B3GALT1: variants seen among roughly 807,000 people sequenced by gnomAD.
B3GALT1 encodes the protein beta-1,3-galactosyltransferase 1, also known as UDP-Gal:betaGlcNAc beta 1,3-galactosyltransferase, polypeptide 1.
A neutral mutation model predicts 23.2 loss-of-function variants in B3GALT1; 10 were observed. The ratio of observed to expected loss-of-function variants is 0.43; its 90% confidence interval spans 0.27 to 0.73. The LOEUF (loss-of-function observed/expected upper bound fraction) is 0.73. Among genes scored for constraint, B3GALT1 ranks in the 30% least tolerant of loss-of-function variants. The pLI, the probability that B3GALT1 is intolerant of heterozygous loss-of-function variation, is 0.21. For synonymous variants in B3GALT1, 156 were observed against 141.5 expected (o/e 1.10, Z -0.73); for missense variants, 299 against 405.4 (o/e 0.74, Z 2.25).
intron 2 of B3GALT1, among the ~76,000 whole-genome samples, chr2:167,540,624 A>C (rs551617987): frequency 3.3e-5 from 5 of 152,122 alleles, no homozygotes; most frequent in Non-Finnish European, 7.4e-5. Context: ...GATGTTAAAC[A>C]ACTTGTCTCT....
intron 2 of B3GALT1, among the ~76,000 whole-genome samples, chr2:167,547,964 A>G (rs368744544): frequency 6.6e-6 from 1 of 152,208 alleles, no homozygotes. Flanking sequence ...TGACTCTGGG[A>G]TTCTAAACCT....
At chr2:167,468,691 G>A (rs1243990768) in intron 1 of B3GALT1, among the ~76,000 whole-genome samples, 1 of 152,126 alleles carries the variant, frequency 6.6e-6, no homozygotes, top group Non-Finnish European at 1.5e-5. Flanking sequence ...GACTAACATG[G>A]TGAAGCCCCA....
At chr2:167,867,081 T>C (rs187420863) in intron 4 of B3GALT1, among the ~76,000 whole-genome samples, 10,742 of 152,152 alleles carry the variant, frequency 0.071, 480 homozygotes, top group Middle Eastern at 0.14. Context: ...CACCCGCCAC[T>C]ACGCCTGGCT....
chr2:167,793,039 A>G (rs553059493), intron 3 of B3GALT1, among the ~76,000 whole-genome samples: 21 of 152,290 alleles, frequency 1.4e-4, no homozygotes, highest in African/African-American at 3.6e-4. Context: ...AGGAATTTCA[A>G]TGAAAATTAT....
intron 1 of B3GALT1, among the ~76,000 whole-genome samples, chr2:167,395,361 G>A (rs1698078305): frequency 6.6e-6 from 1 of 152,206 alleles, no homozygotes; most frequent in African/African-American, 2.4e-5. Context: ...TATACAAAGA[G>A]GCACAGGAGG....
At chr2:167,650,016 T>G (rs1685833699) in intron 3 of B3GALT1, among the ~76,000 whole-genome samples, 2 of 151,948 alleles carry the variant, frequency 1.3e-5, no homozygotes, top group Admixed American at 1.3e-4. Flanking sequence ...GAAGCTTTAG[T>G]TTTTTCACCA....
chr2:167,622,605 T>C (rs935749422), intron 2 of B3GALT1, among the ~76,000 whole-genome samples: 41 of 152,108 alleles, frequency 2.7e-4, no homozygotes, highest in Admixed American at 2.2e-3. Context: ...TGAACCACCA[T>C]TAGGAAGTTT....
rs1674460917 is a variant in B3GALT1, at chr2:167,872,212, A to AT, written c.*2198dup. On this transcript the variant is annotated 3_prime_UTR_variant, in exon 5 of 5. Transcript: ENST00000392690. Reference sequence around the variant, plus strand: ...CCACCGCGCCCGGCCCTATTTACTTATTTTTTAACCTGACCCCTGGAGCCC... The same window carrying AT: ...CCACCGCGCCCGGCCCTATTTACTTATTTTTTTAACCTGACCCCTGGAGCCC... 1 of 151,924 alleles carries AT rather than the reference A, an allele frequency of 6.6e-6. No homozygotes were observed. Among genetic ancestry groups the AT allele is most frequent in the Non-Finnish European group, 1.5e-5 (1 of 68,132 alleles). The allele number at this position is 151,924 out of a possible 1,614,324, so 9.4% of individuals were successfully genotyped here. A position where few individuals can be genotyped will look rare whatever the true frequency, so the allele number is the denominator to read the frequency against.
intron 3 of B3GALT1, among the ~76,000 whole-genome samples, chr2:167,803,166 C>T (rs1251814808): frequency 6.6e-6 from 1 of 150,536 alleles, no homozygotes; most frequent in East Asian, 2.0e-4. Context: ...AGAAACTTTC[C>T]ATCAAACAGG....
At chr2:167,732,303 T>G (rs1687421718) in intron 3 of B3GALT1, among the ~76,000 whole-genome samples, 1 of 152,240 alleles carries the variant, frequency 6.6e-6, no homozygotes. Flanking sequence ...AGACTTTCTG[T>G]CGAGTCTCCT....
intron 1 of B3GALT1, among the ~76,000 whole-genome samples, chr2:167,314,811 CAAAT>C (rs1008888782): frequency 1.3e-5 from 2 of 151,988 alleles, no homozygotes; most frequent in Non-Finnish European, 2.9e-5. Context: ...CTTCTTCTCA[CAAAT>C]AAAGGTCATA....
chr2:167,564,882 C>G (rs995068420), intron 2 of B3GALT1, among the ~76,000 whole-genome samples: 37 of 152,292 alleles, frequency 2.4e-4, no homozygotes, highest in Non-Finnish European at 4.7e-4. Context: ...GAAGAACATT[C>G]CATGCTCATG....
intron 1 of B3GALT1, among the ~76,000 whole-genome samples, chr2:167,440,069 G>T (rs6718564): frequency 6.6e-6 from 1 of 151,616 alleles, no homozygotes; most frequent in Non-Finnish European, 1.5e-5. Flanking sequence ...TAAGGCTGGG[G>T]GCAGTGGCTC....
intron 1 of B3GALT1, among the ~76,000 whole-genome samples, chr2:167,342,245 T>G (rs1697158794): frequency 6.6e-6 from 1 of 151,894 alleles, no homozygotes; most frequent in Admixed American, 6.6e-5. Flanking sequence ...CGAAGAAAAG[T>G]CAAAAGATCT....
chr2:167,334,320 G>C (rs971639421), intron 1 of B3GALT1, among the ~76,000 whole-genome samples: 2 of 152,164 alleles, frequency 1.3e-5, no homozygotes, highest in Non-Finnish European at 2.9e-5. Flanking sequence ...AGAGGAATAA[G>C]TTGGAAAGTA....
intron 3 of B3GALT1, among the ~76,000 whole-genome samples, chr2:167,774,737 C>A (rs1688132898): frequency 6.6e-6 from 1 of 151,968 alleles, no homozygotes; most frequent in African/African-American, 2.4e-5. Context: ...ACCTCATGAT[C>A]CACCCGCCTC....
intron 2 of B3GALT1, among the ~76,000 whole-genome samples, chr2:167,532,946 C>T (rs757437608): frequency 3.8e-4 from 57 of 149,824 alleles, no homozygotes; most frequent in South Asian, 2.1e-3. Flanking sequence ...ACTGCAACCT[C>T]CACCTCGTGG....
intron 2 of B3GALT1, among the ~76,000 whole-genome samples, chr2:167,560,939 C>A (rs1271596606): frequency 1.7e-4 from 26 of 151,820 alleles, no homozygotes; most frequent in Non-Finnish European, 3.5e-4. Flanking sequence ...TTGAACTCAG[C>A]TCTGCACCAA....
Position 167,868,867 on chromosome 2 carries a change from G to A in B3GALT1, c.-173G>A. ...CCTCCATCAGATTTGGAAGAAAGTA[G>A]AATGAGCGCAGAGGTGACAGACAGC... On this transcript the variant is annotated 5_prime_UTR_variant, in exon 5 of 5. An upstream open reading frame in the 5' UTR loses its in-frame stop. Transcript: ENST00000392690. 1.5e-6 allele frequency: 1 copy of A among 671,576 alleles called. No individual in the cohort carries two copies. The highest frequency in any genetic ancestry group is 2.4e-6 in the Non-Finnish European group (1 of 414,350). The allele number at this position is 671,576 out of a possible 1,614,324, so 41.6% of individuals were successfully genotyped here. A position where few individuals can be genotyped will look rare whatever the true frequency, so the allele number is the denominator to read the frequency against.
Sources: gnomAD v4.1 joint callset for allele counts (sites outside exome capture counted in the v4.1 genomes callset) on GRCh38, gnomAD v4.1.1 for gene constraint, MANE v1.5 for transcripts, NCBI Gene and HGNC (gene_info 2026-07-23, HGNC 2026-07-21) for gene names.